The following PCBP3 variants were observed in gnomAD, a reference collection of about 807,000 sequenced individuals.
The protein encoded by PCBP3 is poly(rC) binding protein 3.
Under a neutral mutation model 52.7 loss-of-function variants are expected in PCBP3, and 25 were observed. The observed-to-expected ratio is 0.47, with a 90% confidence interval of 0.35 to 0.66. PCBP3 has a LOEUF of 0.66. PCBP3 is among the 30% of genes least tolerant of loss of function. The pLI is 0.01. For missense variants in PCBP3, 391 were observed against 490.3 expected, an observed-to-expected ratio of 0.80 and a Z score of 1.91; for synonymous variants, 162 against 183.0, an observed-to-expected ratio of 0.89 and a Z score of 0.93.
chr21:45,764,183 C>T (rs540845692), intron 4 of PCBP3, among the ~76,000 whole-genome samples: 10 of 147,556 alleles, frequency 6.8e-5, no homozygotes, highest in East Asian at 2.0e-4. Context: ...AGTGCAATGG[C>T]GCAATCTTGG....
At chr21:45,923,601 A>C (rs1180176650) in intron 13 of PCBP3, among the ~76,000 whole-genome samples, 1 of 152,336 alleles carries the variant, frequency 6.6e-6, no homozygotes, top group Non-Finnish European at 1.5e-5. Context: ...AGGTCTGAGA[A>C]ACACTAGTCA....
intron 2 of PCBP3, among the ~76,000 whole-genome samples, chr21:45,688,819 A>G (rs1340236574): frequency 7.9e-5 from 12 of 152,052 alleles, no homozygotes. Flanking sequence ...TAATGATGCA[A>G]TATTTTATAT....
Position 45,736,369 on chromosome 21 carries a change from C to T in PCBP3, c.-162+940C>T, listed in dbSNP as rs145187309. Among the ~76,000 whole-genome samples the T allele has an allele frequency of 5.9e-5, 9 of 152,290 alleles. No homozygotes were observed. Among genetic ancestry groups the T allele is most frequent in the East Asian group, 3.9e-4 (2 of 5,178 alleles). ...AAGAAGAGCTGCCTTGTTGATGGGA[C>T]GTGGGTCGGAGCTCCCAGTGTGTCT... On this transcript the variant is annotated intron_variant, in intron 3 of 17. Coordinates refer to ENST00000681687, the MANE Select transcript of PCBP3 (RefSeq NM_001384156.1). The surrounding 1 kb of genome is among the most constrained non-coding windows in gnomAD (Gnocchi z 4.6).
intron 5 of PCBP3, among the ~76,000 whole-genome samples, chr21:45,885,004 A>G (rs2095485232): frequency 6.6e-6 from 1 of 152,172 alleles, no homozygotes; most frequent in Admixed American, 6.5e-5. Flanking sequence ...ATGTTTGCCT[A>G]CTATGTTCTT....
intron 1 of PCBP3, among the ~76,000 whole-genome samples, chr21:45,654,310 A>T (rs28692915): frequency 0.21 from 28,966 of 141,286 alleles, 2,993 homozygotes; most frequent in Middle Eastern, 0.35. Flanking sequence ...AAATTCCTTT[A>T]TTGCAGGTCA....
intron 4 of PCBP3, among the ~76,000 whole-genome samples, chr21:45,846,725 G>A (rs1163949031): frequency 6.6e-6 from 1 of 152,248 alleles, no homozygotes; most frequent in Non-Finnish European, 1.5e-5. Context: ...CGCGCACTGG[G>A]TCCTCCGGCA....
chr21:45,906,471 G>A (rs2096209790), intron 9 of PCBP3, among the ~76,000 whole-genome samples: 1 of 152,156 alleles, frequency 6.6e-6, no homozygotes, highest in Non-Finnish European at 1.5e-5. Flanking sequence ...TTGGACAGGG[G>A]CCGTTTGTCT....
intron 5 of PCBP3, among the ~76,000 whole-genome samples, chr21:45,860,907 G>A (rs1452737320): frequency 1.3e-5 from 2 of 152,180 alleles, no homozygotes; most frequent in African/African-American, 2.4e-5. Flanking sequence ...GGGTGCAAAT[G>A]ACTGTGTTCG....
chr21:45,828,497 C>T (rs1429175855), intron 4 of PCBP3: 1 of 152,244 alleles, frequency 6.6e-6, no homozygotes, highest in East Asian at 1.9e-4. Context: ...TCCAGTGGAG[C>T]TGAAATGGGA....
chr21:45,825,266 C>G (rs1235323878), intron 4 of PCBP3, among the ~76,000 whole-genome samples: 1 of 152,248 alleles, frequency 6.6e-6, no homozygotes, highest in Non-Finnish European at 1.5e-5. Context: ...AGATGACATT[C>G]TCAGCGCCTT....
Position 45,939,710 on chromosome 21 carries a change from G to A in PCBP3, c.910-320G>A, listed in dbSNP as rs990745542. 2.0e-5 allele frequency among the ~76,000 whole-genome samples: 3 copies of A among 152,340 alleles called. 1 individual carries two copies. In the South Asian group the frequency reaches 6.2e-4, roughly 32 times the overall value. ...CTGTGGGTCGCTCCTGGACCCCGGG[G>A]TGACCAGTGTGGAGCACCCAGGCCG... On this transcript the variant is annotated intron_variant, in intron 16 of 17. Transcript: ENST00000681687.
intron 3 of PCBP3, among the ~76,000 whole-genome samples, chr21:45,739,831 A>G (rs1384077866): frequency 6.6e-6 from 1 of 152,112 alleles, no homozygotes; most frequent in Non-Finnish European, 1.5e-5. Context: ...CTGGTGCTGC[A>G]TTGTAGTCAC....
chr21:45,883,609 G>C lies in PCBP3; in HGVS notation c.11-12599G>C, dbSNP rs562145624. 1.2e-3 allele frequency among the ~76,000 whole-genome samples: 180 copies of C among 152,180 alleles called. 7 individuals are homozygous for C. The South Asian group carries it at 0.029, about 25-fold the overall frequency. ...ATTTAGGATTGCTATTGCTTATTTA[G>C]ACTCTTTTATCATTATGTAATGTCC... On this transcript the variant is annotated intron_variant, in intron 5 of 17. Transcript: ENST00000681687.
At chr21:45,749,090 C>T (rs1198360989) in intron 3 of PCBP3, among the ~76,000 whole-genome samples, 3 of 152,142 alleles carry the variant, frequency 2.0e-5, no homozygotes, top group Non-Finnish European at 2.9e-5. Context: ...TGCAAAAGTT[C>T]CTCACTTAAT....
chr21:45,876,893 G>A (rs895323339), intron 5 of PCBP3, among the ~76,000 whole-genome samples: 1 of 152,208 alleles, frequency 6.6e-6, no homozygotes, highest in Non-Finnish European at 1.5e-5. Flanking sequence ...CGCTCGCTGC[G>A]GCTGCGAGGA....
chr21:45,794,166 C>G (rs774011933), intron 4 of PCBP3, among the ~76,000 whole-genome samples: 7 of 152,208 alleles, frequency 4.6e-5, no homozygotes, highest in Non-Finnish European at 1.0e-4. Flanking sequence ...ATGCTACTCA[C>G]GCCCGTAGTA....
intron 4 of PCBP3, among the ~76,000 whole-genome samples, chr21:45,757,242 G>A (rs576006650): frequency 3.3e-5 from 5 of 152,262 alleles, no homozygotes; most frequent in South Asian, 2.1e-4. Flanking sequence ...AAGTAGTATC[G>A]TGCTGTGGTA....
At chr21:45,750,677 C>G (rs188771208) in intron 3 of PCBP3, 2 of 152,272 alleles carry the variant, frequency 1.3e-5, no homozygotes, top group African/African-American at 4.8e-5. Flanking sequence ...TGTACCTAAC[C>G]TACCCAGCCC....
At chr21:45,832,704 A>G (rs1197539619) in intron 4 of PCBP3, 2 of 152,290 alleles carry the variant, frequency 1.3e-5, no homozygotes, top group African/African-American at 2.4e-5. Flanking sequence ...AGCTTAACAA[A>G]TGCAGCTGTA....
Sources: gnomAD v4.1 joint callset for allele counts (sites outside exome capture counted in the v4.1 genomes callset) on GRCh38, gnomAD v4.1.1 for gene constraint, Gnocchi (gnomAD v3.1) non-coding constraint, MANE v1.5 for transcripts, NCBI Gene and HGNC (gene_info 2026-07-23, HGNC 2026-07-21) for gene names.